The following SHC3 variants were observed in gnomAD, a reference collection of about 807,000 sequenced individuals.
SHC3 encodes SHC adaptor protein 3.
A neutral mutation model predicts 60.4 loss-of-function variants in SHC3; 15 were observed. That is an observed-to-expected ratio of 0.25 (90% CI 0.17 to 0.38). The LOEUF (loss-of-function observed/expected upper bound fraction) is 0.38, where lower values mean the gene tolerates loss of function less well. Ranked by LOEUF, SHC3 falls within the 10% of genes least tolerant of loss-of-function variation. The pLI, the probability that SHC3 is intolerant of heterozygous loss-of-function variation, is 1.00. For missense variants in SHC3, 677 were observed against 786.1 expected (o/e 0.86, Z 1.66); for synonymous variants, 294 against 325.9 (o/e 0.90, Z 1.05).
At chr9:89,123,634 G>C (rs1389138063) in intron 1 of SHC3, among the ~76,000 whole-genome samples, 1 of 152,188 alleles carries the variant, frequency 6.6e-6, no homozygotes, top group Non-Finnish European at 1.5e-5. Flanking sequence ...AGTACCGGCT[G>C]CTTTTTGTTT....
At chr9:89,025,853 G>T (rs190556293) in intron 11 of SHC3, among the ~76,000 whole-genome samples, 1 of 152,224 alleles carries the variant, frequency 6.6e-6, no homozygotes, top group African/African-American at 2.4e-5. Context: ...CTCTTGTGGG[G>T]AAAATCTGTA....
At chr9:89,177,544 C>G (rs758299697) in intron 1 of SHC3, among the ~76,000 whole-genome samples, 4 of 152,222 alleles carry the variant, frequency 2.6e-5, no homozygotes, top group Non-Finnish European at 5.9e-5. Context: ...TACCCACCCT[C>G]CCGCCGGGGA....
At position 89,143,209 on chromosome 9, in the gene SHC3, C is replaced by A. The variant is rs142045336; in HGVS notation, c.475-30583G>T. Among the ~76,000 whole-genome samples the A allele has an allele frequency of 4.8e-4, 73 of 152,096 alleles. No individual in the cohort carries two copies. In the Middle Eastern group the frequency reaches 0.01, roughly 21 times the overall value. Reference sequence around the variant, plus strand: ...CTAAACAAGGGGTGGATTATTAATGCCTCCCCTGTTTAGACCACATAAGGT... The same window carrying A: ...CTAAACAAGGGGTGGATTATTAATGACTCCCCTGTTTAGACCACATAAGGT... On this transcript the variant is annotated intron_variant, in intron 1 of 11. Coordinates refer to ENST00000375835, the MANE Select transcript of SHC3 (RefSeq NM_016848.6).
intron 1 of SHC3, among the ~76,000 whole-genome samples, chr9:89,172,373 G>A (rs1281023169): frequency 6.6e-6 from 1 of 152,112 alleles, no homozygotes; most frequent in African/African-American, 2.4e-5. Context: ...TGGTTGGGAG[G>A]GGAGAGGCAA....
chr9:89,059,853 G>GAC (rs1825051226), intron 6 of SHC3, among the ~76,000 whole-genome samples: 1 of 127,014 alleles, frequency 7.9e-6, no homozygotes, highest in Non-Finnish European at 1.9e-5. Context: ...TGTGGTGGAG[G>GAC]ATGGTGGTGG....
intron 6 of SHC3, among the ~76,000 whole-genome samples, chr9:89,059,567 ACG>A (rs1825032458): frequency 1.4e-4 from 18 of 133,086 alleles, no homozygotes; most frequent in East Asian, 2.5e-4. Flanking sequence ...GTGGTGGAGG[ACG>A]TGGTGGAGGA....
intron 1 of SHC3, among the ~76,000 whole-genome samples, chr9:89,132,943 A>T (rs1326026132): frequency 1.3e-5 from 2 of 152,214 alleles, no homozygotes; most frequent in Non-Finnish European, 2.9e-5. Context: ...TTTGCACAGC[A>T]AAAGAAACTA....
chr9:89,117,441 C>A (rs1319211833), intron 1 of SHC3, among the ~76,000 whole-genome samples: 1 of 152,112 alleles, frequency 6.6e-6, no homozygotes, highest in African/African-American at 2.4e-5. Flanking sequence ...ATTTCTTTTT[C>A]TGTTATTTGA....
Position 89,107,325 on chromosome 9 carries a change from G to T in SHC3, c.545+5231C>A, listed in dbSNP as rs117516429. Among the ~76,000 whole-genome samples, 53 of 152,316 alleles carry T rather than the reference G, an allele frequency of 3.5e-4. No homozygotes were observed. The East Asian group carries it at 6.2e-3, about 18-fold the overall frequency. On this transcript the variant is annotated intron_variant, in intron 2 of 11. Transcript: ENST00000375835. Reference sequence around the variant, plus strand: ...GTGGCCCCTTGCCCTGTGACTCTGGGCTCCTTTCCTGGGTTGTGGTCCCTG... The same window carrying T: ...GTGGCCCCTTGCCCTGTGACTCTGGTCTCCTTTCCTGGGTTGTGGTCCCTG...
intron 8 of SHC3, 118 bp from the exon 9 acceptor site, chr9:89,045,951 C>T (rs1038082197): frequency 2.2e-6 from 2 of 912,754 alleles, no homozygotes; most frequent in Non-Finnish European, 3.4e-6. Flanking sequence ...TCCTCTGTTA[C>T]ACCCAATTTT....
chr9:89,045,947 G>T (rs941250784), intron 8 of SHC3, 114 bp from the exon 9 acceptor site: 1 of 938,054 alleles, frequency 1.1e-6, no homozygotes. Context: ...CGCATCCTCT[G>T]TTACACCCAA....
chr9:89,068,285 G>A (rs1825215273), intron 5 of SHC3, among the ~76,000 whole-genome samples: 1 of 152,130 alleles, frequency 6.6e-6, no homozygotes, highest in Non-Finnish European at 1.5e-5. Flanking sequence ...TATAATCACA[G>A]CATGCCGTTT....
intron 7 of SHC3, 119 bp from the exon 8 acceptor site, chr9:89,047,113 C>T (rs1471958419): frequency 9.9e-7 from 1 of 1,009,372 alleles, no homozygotes; most frequent in Non-Finnish European, 1.4e-6. Flanking sequence ...CCTCCTCAGC[C>T]ATCCAGGTCT....
intron 10 of SHC3, among the ~76,000 whole-genome samples, chr9:89,039,628 C>T (rs1017811514): frequency 2.0e-5 from 3 of 151,688 alleles, no homozygotes; most frequent in Non-Finnish European, 4.4e-5. Flanking sequence ...TCACCGCCAT[C>T]GTCGCCATCG....
intron 6 of SHC3, among the ~76,000 whole-genome samples, chr9:89,055,914 A>G (rs934283787): frequency 6.6e-6 from 1 of 152,258 alleles, no homozygotes; most frequent in Admixed American, 6.5e-5. Flanking sequence ...TATTATGTGT[A>G]TCATAAAAAC....
At chr9:89,110,235 G>C in intron 2 of SHC3, 1 of 985,384 alleles carries the variant, frequency 1.0e-6, no homozygotes, top group African/African-American at 1.7e-5. Flanking sequence ...GAAATGCTGG[G>C]AGTGAAGCCC....
Position 89,178,653 on chromosome 9 carries a change from G to T in SHC3, c.-193C>A, listed in dbSNP as rs1826985573. 2.2e-6 allele frequency: 1 copy of T among 464,954 alleles called. No individual in the cohort carries two copies. The highest frequency in any genetic ancestry group is 2.0e-5 in the African/African-American group (1 of 49,252). The allele number at this position is 464,954 out of a possible 1,614,324, so 28.8% of individuals were successfully genotyped here. On this transcript the variant is annotated 5_prime_UTR_variant, in exon 1 of 12. Coordinates refer to ENST00000375835, the MANE Select transcript of SHC3 (RefSeq NM_016848.6). The surrounding 1 kb of genome is among the most constrained non-coding windows in gnomAD (Gnocchi z 6.9). ...ACCGTTAAAAGCCAGCACAGCGGCGGCCGCGCAGCCCCGGCCCGGGAGACC... is the reference window on the plus strand; with the variant it reads ...ACCGTTAAAAGCCAGCACAGCGGCGTCCGCGCAGCCCCGGCCCGGGAGACC...
chr9:89,019,741 A>G (rs888803879), intron 11 of SHC3, among the ~76,000 whole-genome samples: 13 of 152,262 alleles, frequency 8.5e-5, no homozygotes, highest in Non-Finnish European at 7.3e-5. Flanking sequence ...GTCCAATAAA[A>G]GAAATCAAAG....
In SHC3 at chr9:89,007,232, C is replaced by CG. The variant is rs1825952579; in HGVS notation, c.*6214_*6215insC. On this transcript the variant is annotated 3_prime_UTR_variant, in exon 12 of 12. Coordinates refer to ENST00000375835, the MANE Select transcript of SHC3 (RefSeq NM_016848.6). ...AGAGTGACAACTCCAGGCTGTCCACCCCCATCCTGAGCCTTCCACACTCTT... is the reference window on the plus strand; with the variant it reads ...AGAGTGACAACTCCAGGCTGTCCACCGCCCATCCTGAGCCTTCCACACTCTT... The CG allele has an allele frequency of 1.3e-5, 2 of 152,290 alleles. No individual in the cohort carries two copies. Among genetic ancestry groups the CG allele is most frequent in the African/African-American group, 4.8e-5 (2 of 41,434 alleles). 9.4% of individuals were successfully genotyped at this position (152,290 alleles called of 1,614,324 possible). A position where few individuals can be genotyped will look rare whatever the true frequency, so the allele number is the denominator to read the frequency against.
Sources: allele counts gnomAD v4.1 joint callset (sites outside exome capture counted in the v4.1 genomes callset), GRCh38; gene constraint gnomAD v4.1.1; non-coding constraint Gnocchi (gnomAD v3.1); transcripts MANE v1.5; gene names NCBI Gene and HGNC (gene_info 2026-07-23, HGNC 2026-07-21).